The following TIAM1 variants were observed in gnomAD, a reference collection of about 807,000 sequenced individuals.
The protein encoded by TIAM1 is rho guanine nucleotide exchange factor TIAM1.
A neutral mutation model predicts 163.5 loss-of-function variants in TIAM1; 65 were observed. The ratio of observed to expected loss-of-function variants is 0.40; its 90% CI spans 0.33 to 0.49. TIAM1 has a LOEUF of 0.49. Ranked by LOEUF, TIAM1 falls within the 20% of genes least tolerant of loss-of-function variation. TIAM1 has a pLI of 0.77. For missense variants in TIAM1, 1,789 were observed against 2,044.7 expected, an observed-to-expected ratio of 0.87 and a Z score of 2.41; for synonymous variants, 833 against 810.1, an observed-to-expected ratio of 1.03 and a Z score of -0.48.
chr21:31,342,935 C>A (rs540710087), intron 1 of TIAM1, among the ~76,000 whole-genome samples: 14 of 152,278 alleles, frequency 9.2e-5, no homozygotes, highest in Middle Eastern at 3.4e-3. Context: ...GGAAGGTATG[C>A]TGAGAGAGTC....
At position 31,119,332 on chromosome 21, in the gene TIAM1, G is replaced by GA. The variant is rs956751085; in HGVS notation, c.*1035dup. 6.6e-4 allele frequency: 100 copies of GA among 152,630 alleles called. No individual in the cohort carries two copies. The highest frequency in any genetic ancestry group is 2.3e-3 in the African/African-American group (96 of 41,530). The allele number at this position is 152,630 out of a possible 1,614,324, so 9.5% of individuals were successfully genotyped here. A position where few individuals can be genotyped will look rare whatever the true frequency, so the allele number is the denominator to read the frequency against. The stretch of plus-strand genomic sequence containing the variant: ...TATGGATGAAGATGCAATTTTGATG[G>GA]AAAAACCAATGATCACCATGGCAAC... On this transcript the variant is annotated 3_prime_UTR_variant, in exon 28 of 28. Coordinates refer to ENST00000541036, the MANE Select transcript of TIAM1 (RefSeq NM_001353694.2).
chr21:31,314,910 A>G (rs1009600977), intron 2 of TIAM1, among the ~76,000 whole-genome samples: 9 of 152,182 alleles, frequency 5.9e-5, no homozygotes, highest in African/African-American at 2.2e-4. Context: ...AATTATGTGC[A>G]GGGACGTACC....
chr21:31,273,857 A>T (rs2073173890), intron 3 of TIAM1, among the ~76,000 whole-genome samples: 1 of 152,210 alleles, frequency 6.6e-6, no homozygotes, highest in Non-Finnish European at 1.5e-5. Flanking sequence ...CACCCTTGAA[A>T]TTAATGAGAA....
At chr21:31,277,957 A>G (rs548766335) in intron 2 of TIAM1, among the ~76,000 whole-genome samples, 36 of 152,330 alleles carry the variant, frequency 2.4e-4, no homozygotes, top group African/African-American at 7.9e-4. Flanking sequence ...TTAGGGTAAT[A>G]CATAGCCCTA....
At chr21:31,465,462 GT>G (rs1485764280) in intron 1 of TIAM1, among the ~76,000 whole-genome samples, 2 of 152,060 alleles carry the variant, frequency 1.3e-5, no homozygotes, top group African/African-American at 4.8e-5. Context: ...AGATGAATGA[GT>G]AAAAGCTGAG....
At position 31,442,070 on chromosome 21, in the gene TIAM1, A is replaced by AATATAT. The variant is rs138822110; in HGVS notation, c.-369+21907_-369+21912dup. ...GACCCTATCTCAGAACAAATAAATA[A>AATATAT]ATATATATATATATATAGAACAATA... On this transcript the variant is annotated intron_variant, in intron 2 of 28. Coordinates refer to the TIAM1 transcript ENST00000286827. Among the ~76,000 whole-genome samples, 242 of 53,202 alleles carry AATATAT rather than the reference A, an allele frequency of 4.5e-3. 51 individuals are homozygous for AATATAT. The highest frequency in any genetic ancestry group is 7.9e-3 in the African/African-American group (118 of 14,868). 34.9% of individuals were successfully genotyped at this position (53,202 alleles called of 152,430 possible). A position where few individuals can be genotyped will look rare whatever the true frequency, so the allele number is the denominator to read the frequency against.
At chr21:31,154,163 A>C in intron 17 of TIAM1, 84 bp downstream of exon 17, 1 of 1,413,988 alleles carries the variant, frequency 7.1e-7, no homozygotes, top group Non-Finnish European at 9.6e-7. Flanking sequence ...AGTTTAAATC[A>C]GCTGTTAATG....
upstream of TIAM1, among the ~76,000 whole-genome samples, chr21:31,344,439 T>C (rs1394223104): frequency 6.6e-6 from 1 of 152,122 alleles, no homozygotes; most frequent in Non-Finnish European, 1.5e-5. Flanking sequence ...ACCACATCCT[T>C]GGGGGCAATG....
chr21:31,421,585 C>G (rs1386560554), intron 2 of TIAM1, among the ~76,000 whole-genome samples: 1 of 152,188 alleles, frequency 6.6e-6, no homozygotes, highest in African/African-American at 2.4e-5. Flanking sequence ...TGCCGATGAT[C>G]TGAGATGGAA....
chr21:31,286,863 G>A (rs1187670318), intron 2 of TIAM1, among the ~76,000 whole-genome samples: 1 of 152,060 alleles, frequency 6.6e-6, no homozygotes, highest in Non-Finnish European at 1.5e-5. Flanking sequence ...ACGTAACCAT[G>A]GTCAAAAGGC....
At chr21:31,178,883 C>T (rs988816419) in intron 15 of TIAM1, among the ~76,000 whole-genome samples, 1 of 151,760 alleles carries the variant, frequency 6.6e-6, no homozygotes, top group Admixed American at 6.6e-5. Context: ...TCCCTAGTAG[C>T]TGGGATTACA....
At chr21:31,271,433 T>A (rs972136391) in intron 3 of TIAM1, among the ~76,000 whole-genome samples, 5 of 152,160 alleles carry the variant, frequency 3.3e-5, no homozygotes, top group Non-Finnish European at 7.3e-5. Flanking sequence ...AGCTCTCTGC[T>A]CTCTGGGTCC....
intron 11 of TIAM1, 30 bp from the exon 12 acceptor site, chr21:31,203,042 ATGTC>A: frequency 3.2e-6 from 5 of 1,545,618 alleles, no homozygotes; most frequent in Non-Finnish European, 4.5e-6. Context: ...AAGAAAGAAA[ATGTC>A]TGTTCAATAG....
intron 2 of TIAM1, among the ~76,000 whole-genome samples, chr21:31,327,443 C>G (rs994029127): frequency 1.3e-5 from 2 of 151,626 alleles, no homozygotes; most frequent in African/African-American, 4.8e-5. Context: ...AGTTCGAGAC[C>G]AATCTGGCCA....
chr21:31,167,969 A>G (rs1203525197), intron 15 of TIAM1, among the ~76,000 whole-genome samples: 3 of 152,196 alleles, frequency 2.0e-5, no homozygotes, highest in Non-Finnish European at 1.5e-5. Context: ...CTAAAAAGAC[A>G]TAGACTAAAA....
intron 1 of TIAM1, among the ~76,000 whole-genome samples, chr21:31,532,386 G>A (rs1049279046): frequency 3.9e-5 from 6 of 152,090 alleles, no homozygotes; most frequent in Non-Finnish European, 7.3e-5. Context: ...CTCCCCCTCC[G>A]ATGCTATGCT....
intron 15 of TIAM1, among the ~76,000 whole-genome samples, chr21:31,172,212 G>A (rs989539894): frequency 6.6e-6 from 1 of 152,104 alleles, no homozygotes; most frequent in Non-Finnish European, 1.5e-5. Context: ...AATTCAAGTG[G>A]GAAAGGGCAT....
At chr21:31,216,360 A>G (rs934060863) in intron 9 of TIAM1, among the ~76,000 whole-genome samples, 1 of 152,144 alleles carries the variant, frequency 6.6e-6, no homozygotes, top group African/African-American at 2.4e-5. Context: ...ACTTTTCACA[A>G]GGGCATGCGG....
intron 2 of TIAM1, among the ~76,000 whole-genome samples, chr21:31,394,357 G>A (rs939895392): frequency 6.6e-6 from 1 of 152,162 alleles, no homozygotes; most frequent in Non-Finnish European, 1.5e-5. Flanking sequence ...GGGAAAGGAG[G>A]GATGAACAGG....
Sources: allele counts gnomAD v4.1 joint callset (sites outside exome capture counted in the v4.1 genomes callset), GRCh38; gene constraint gnomAD v4.1.1; transcripts MANE v1.5; gene names NCBI Gene and HGNC (gene_info 2026-07-23, HGNC 2026-07-21).